Variants in MEAF6 observed in about 807,000 individuals in gnomAD.
MEAF6 encodes MYST/Esa1 associated factor 6.
A neutral mutation model predicts 28.9 loss-of-function variants in MEAF6; 15 were observed. The observed-to-expected ratio is 0.52, with a 90% CI of 0.35 to 0.80. The LOEUF is 0.80. Among genes scored for constraint, MEAF6 ranks in the 30% least tolerant of loss-of-function variants. The probability of loss-of-function intolerance (pLI) is 0.01; values close to 1 mark genes in which losing one functional copy is unlikely to be tolerated. For missense variants in MEAF6, 178 were observed against 237.5 expected (o/e 0.75, Z 1.65); for synonymous variants, 97 against 88.7 (o/e 1.09, Z -0.53).
At position 37,512,564 on chromosome 1, in the gene MEAF6, A is replaced by G. The variant is rs1041955841; in HGVS notation, c.206+859T>C. Among the ~76,000 whole-genome samples the G allele has an allele frequency of 3.9e-5, 6 of 152,214 alleles. No individual in the cohort carries two copies. The South Asian group carries it at 1.2e-3, about 31-fold the overall frequency. Reference sequence around the variant, plus strand: ...TTAAAAATAATATTACTAAGTAAGCAGTGGTACAGCTGGCACACAGGTATG... The same window carrying G: ...TTAAAAATAATATTACTAAGTAAGCGGTGGTACAGCTGGCACACAGGTATG... On this transcript the variant is annotated intron_variant, in intron 2 of 6. Coordinates refer to ENST00000296214, the MANE Select transcript of MEAF6 (RefSeq NM_001270875.3).
chr1:37,498,895 T>C (rs948077962), intron 5 of MEAF6, among the ~76,000 whole-genome samples: 2 of 152,134 alleles, frequency 1.3e-5, no homozygotes, highest in African/African-American at 4.8e-5. Flanking sequence ...GGTTCATGCC[T>C]GTAAACCCAG....
At chr1:37,504,922 C>T (rs963898877) in intron 4 of MEAF6, among the ~76,000 whole-genome samples, 6 of 151,796 alleles carry the variant, frequency 4.0e-5, no homozygotes, top group African/African-American at 1.2e-4. Context: ...TGCTGTGTCA[C>T]GCCCAGGCTG....
intron 6 of MEAF6, among the ~76,000 whole-genome samples, chr1:37,494,750 G>A (rs554541675): frequency 2.6e-5 from 4 of 151,902 alleles, no homozygotes; most frequent in African/African-American, 9.7e-5. Context: ...AGGACGGCTT[G>A]AGCCTGGGAG....
intron 5 of MEAF6, among the ~76,000 whole-genome samples, chr1:37,498,920 G>A (rs370328002): frequency 2.0e-5 from 3 of 152,034 alleles, no homozygotes; most frequent in Non-Finnish European, 2.9e-5. Flanking sequence ...TTGGGAGGCC[G>A]AGGCAGGAGG....
At chr1:37,512,128 G>A (rs1642689485) in intron 2 of MEAF6, among the ~76,000 whole-genome samples, 1 of 152,174 alleles carries the variant, frequency 6.6e-6, no homozygotes, top group African/African-American at 2.4e-5. Context: ...GTGGCATGAG[G>A]AAGATCTTTG....
chr1:37,514,548 C>T, intron 1 of MEAF6, 109 bp downstream of exon 1: 1 of 793,118 alleles, frequency 1.3e-6, no homozygotes, highest in Non-Finnish European at 1.7e-6. Flanking sequence ...CCCGGCCCGC[C>T]GCGCCGCGCC....
At position 37,509,483 on chromosome 1, in the gene MEAF6, A is replaced by C; in HGVS notation, c.266T>G (p.Phe89Cys). The C allele has an allele frequency of 6.2e-7, 1 of 1,614,118 alleles. No homozygotes were observed. Among genetic ancestry groups the C allele is most frequent in the Non-Finnish European group, 8.5e-7 (1 of 1,180,008 alleles). Residue 89 changes from phenylalanine (F) to cysteine (C), a missense_variant, in exon 3 of 7, where the codon TTC becomes TGC. Coordinates refer to ENST00000296214, the MANE Select transcript of MEAF6 (RefSeq NM_001270875.3). The stretch of plus-strand genomic sequence containing the variant: ...TGCTGAGGTAACCGAGGATTTACTG[A>C]AGAGCCGCTCAGCTTCCTTAAACTT... The part of the protein sequence containing the change: ...NRKFKEAERL[F>C]SKSSVTSAAA...
chr1:37,513,935 C>T (rs567165453), intron 1 of MEAF6: 1 of 236,462 alleles, frequency 4.2e-6, no homozygotes, highest in African/African-American at 2.2e-5. Flanking sequence ...CTCCCCTCCC[C>T]GCAGGCTCAA....
rs996998734 is a variant in MEAF6, at chr1:37,493,831, G to A, written c.*268C>T. 21 of 1,549,720 alleles carry A rather than the reference G, an allele frequency of 1.4e-5. No homozygotes were observed. Among genetic ancestry groups the A allele is most frequent in the East Asian group, 1.2e-4 (5 of 40,956 alleles). ...ACATTCATTCTAAGAAGGGAGAAAC[G>A]CACAGTTAGCAACTTGCTGGGATTA... On this transcript the variant is annotated 3_prime_UTR_variant, in exon 7 of 7. Coordinates refer to ENST00000296214, the MANE Select transcript of MEAF6 (RefSeq NM_001270875.3).
At chr1:37,496,523 T>TTAA in intron 5 of MEAF6, 1 of 1,307,334 alleles carries the variant, frequency 7.6e-7, no homozygotes, top group Non-Finnish European at 1.0e-6. Context: ...TTAATTTTGC[T>TTAA]TAAGTTATTA....
At chr1:37,495,506 T>C (rs1019804722) in intron 6 of MEAF6, among the ~76,000 whole-genome samples, 1 of 151,256 alleles carries the variant, frequency 6.6e-6, no homozygotes, top group East Asian at 1.9e-4. Flanking sequence ...AGTTCCAGAC[T>C]GGACATCATG....
intron 2 of MEAF6, among the ~76,000 whole-genome samples, chr1:37,510,272 G>A (rs541353359): frequency 2.6e-5 from 4 of 151,008 alleles, no homozygotes; most frequent in Admixed American, 6.6e-5. Flanking sequence ...TAGTAGAGAC[G>A]GGATTTCACC....
intron 4 of MEAF6, among the ~76,000 whole-genome samples, chr1:37,507,144 A>AC (rs1642511830): frequency 6.6e-6 from 1 of 152,112 alleles, no homozygotes; most frequent in South Asian, 2.1e-4. Flanking sequence ...ACATTGTGAG[A>AC]CCCCATCTCT....
At position 37,505,253 on chromosome 1, in the gene MEAF6, G is replaced by A. The variant is rs146127175; in HGVS notation, c.341-3257C>T. Among the ~76,000 whole-genome samples, 47 of 152,184 alleles carry A rather than the reference G, an allele frequency of 3.1e-4. No individual in the cohort carries two copies. In the South Asian group the frequency reaches 4.8e-3, roughly 15 times the overall value. On this transcript the variant is annotated intron_variant, in intron 4 of 6. Transcript: ENST00000296214. ...AGAGAATTTAAATTGAGTAGCATAC[G>A]GGTACAAGAAGTAAAGGAAAGAGAC...
In MEAF6 at chr1:37,503,272, G is replaced by C. The variant is rs181344384; in HGVS notation, c.341-1276C>G. Among the ~76,000 whole-genome samples, 4 of 152,298 alleles carry C rather than the reference G, an allele frequency of 2.6e-5. No homozygotes were observed. In the East Asian group the frequency reaches 7.7e-4, roughly 29 times the overall value. On this transcript the variant is annotated intron_variant, in intron 4 of 6. Coordinates refer to ENST00000296214, the MANE Select transcript of MEAF6 (RefSeq NM_001270875.3). ...TAAAATGCAGTAATAATCTTCAGCT[G>C]ACACATATTCTCAATTTTAAAACAT... is the stretch of plus-strand genomic sequence containing the variant.
chr1:37,500,110 AAC>A (rs1642250103), intron 5 of MEAF6, among the ~76,000 whole-genome samples: 1 of 152,138 alleles, frequency 6.6e-6, no homozygotes, highest in African/African-American at 2.4e-5. Context: ...AGTTCACACC[AAC>A]ACAGTGAAAC....
intron 5 of MEAF6, among the ~76,000 whole-genome samples, chr1:37,499,322 G>T (rs573327168): frequency 1.2e-4 from 18 of 152,196 alleles, no homozygotes; most frequent in African/African-American, 3.6e-4. Context: ...ACTATATGGG[G>T]TATGGCACAC....
At chr1:37,514,441 G>A in intron 1 of MEAF6, 1 of 260,208 alleles carries the variant, frequency 3.8e-6, no homozygotes, top group Non-Finnish European at 7.2e-6. Context: ...TCCCCCTCCC[G>A]CGCTCCCGGC....
At chr1:37,496,508 TTTAC>T (rs1642132622) in intron 5 of MEAF6, 1 of 1,101,112 alleles carries the variant, frequency 9.1e-7, no homozygotes, top group Non-Finnish European at 1.2e-6. Flanking sequence ...AAAAGTGAAG[TTTAC>T]TTAATTTTGC....
Sources: gnomAD v4.1 joint callset for allele counts (sites outside exome capture counted in the v4.1 genomes callset) on GRCh38, gnomAD v4.1.1 for gene constraint, MANE v1.5 for transcripts, NCBI Gene and HGNC (gene_info 2026-07-23, HGNC 2026-07-21) for gene names.